PFKP: variants seen among roughly 807,000 people sequenced by gnomAD.
The protein encoded by PFKP is ATP-dependent 6-phosphofructokinase, platelet type.
In PFKP, 101 loss-of-function variants were observed where a neutral mutation model predicts 94.3. That is an observed-to-expected ratio of 1.07 (90% CI 0.91 to 1.26). PFKP has a LOEUF of 1.26. Ranked by LOEUF, PFKP falls within the 50% of genes most tolerant of loss-of-function variation. The pLI is 0.00. For missense variants in PFKP, 1,145 were observed against 1,103.3 expected, an observed-to-expected ratio of 1.04 and a Z score of -0.53; for synonymous variants, 573 against 432.6, an observed-to-expected ratio of 1.32 and a Z score of -4.03.
intron 16 of PFKP, among the ~76,000 whole-genome samples, chr10:3,123,230 T>A (rs1026584057): frequency 2.0e-5 from 3 of 152,182 alleles, no homozygotes; most frequent in Non-Finnish European, 2.9e-5. Flanking sequence ...CATTACTCCG[T>A]CCTGTAAGCT....
intron 2 of PFKP, among the ~76,000 whole-genome samples, chr10:3,096,267 G>T (rs1439349675): frequency 1.3e-5 from 2 of 152,134 alleles, no homozygotes; most frequent in African/African-American, 2.4e-5. Flanking sequence ...GCCGTTAGGG[G>T]TGCATGGTTG....
At chr10:3,134,073 ATTC>A (rs758503267) in intron 19 of PFKP, among the ~76,000 whole-genome samples, 3 of 152,082 alleles carry the variant, frequency 2.0e-5, no homozygotes, top group Non-Finnish European at 4.4e-5. Context: ...ACCACCTCCT[ATTC>A]TTATACTTTT....
chr10:3,092,959 G>A (rs1834165777), intron 2 of PFKP, among the ~76,000 whole-genome samples: 1 of 150,824 alleles, frequency 6.6e-6, no homozygotes, highest in African/African-American at 2.4e-5. Flanking sequence ...TGAGCTCCTG[G>A]GATGTGTGGA....
intron 13 of PFKP, among the ~76,000 whole-genome samples, chr10:3,114,041 A>AGGGATGCCAGCT (rs6143745): frequency 6.6e-6 from 1 of 151,896 alleles, no homozygotes. Context: ...ACCGAGGCAT[A>AGGGATGCCAGCT]GGGCTGGGTG....
chr10:3,124,176 G>A (rs1277002868), intron 16 of PFKP, among the ~76,000 whole-genome samples: 2 of 152,238 alleles, frequency 1.3e-5, no homozygotes, highest in South Asian at 2.1e-4. Context: ...AGGTGTGGGC[G>A]CCGCCCTGTG....
At chr10:3,118,082 T>C (rs962650071) in intron 14 of PFKP, among the ~76,000 whole-genome samples, 17 of 152,024 alleles carry the variant, frequency 1.1e-4, no homozygotes, top group African/African-American at 3.9e-4. Flanking sequence ...GGTGAGAGCA[T>C]GGGGGAGGGA....
chr10:3,100,637 C>A (rs1278574184), intron 3 of PFKP, among the ~76,000 whole-genome samples: 1 of 152,122 alleles, frequency 6.6e-6, no homozygotes, highest in African/African-American at 2.4e-5. Flanking sequence ...GAGCACCTTG[C>A]TTGACAAAGT....
At chr10:3,135,715 C>A in intron 20 of PFKP, 21 bp from the exon 21 acceptor site, 2 of 1,497,194 alleles carry the variant, frequency 1.3e-6, no homozygotes, top group Non-Finnish European at 1.9e-6. Context: ...TGTTATTAAT[C>A]TTTTTTAAAA....
rs559165843 is a variant in PFKP at position 3,103,098 on chromosome 10, G to A, written c.455-681G>A. On this transcript the variant is annotated intron_variant, in intron 4 of 21. Transcript: ENST00000381125. ...TGCATGAGAAATCAGTGTGAAGATG[G>A]CCTAGTGTCTTAGATTCTTAATTCC... Among the ~76,000 whole-genome samples, 15 of 152,348 alleles carry A rather than the reference G, an allele frequency of 9.8e-5. No homozygotes were observed. In the South Asian group the frequency reaches 2.7e-3, roughly 27 times the overall value.
intron 17 of PFKP, among the ~76,000 whole-genome samples, chr10:3,131,505 G>A (rs903419338): frequency 6.6e-6 from 1 of 152,192 alleles, no homozygotes; most frequent in Non-Finnish European, 1.5e-5. Context: ...CACCCAGGCT[G>A]GAGTGTAGTG....
chr10:3,093,799 A>C (rs909454390), intron 2 of PFKP, among the ~76,000 whole-genome samples: 1 of 151,780 alleles, frequency 6.6e-6, no homozygotes. Context: ...TCCCGCCACC[A>C]CACCCGGCTA....
chr10:3,103,922 G>A lies in PFKP; in HGVS notation c.598G>A (p.Ala200Thr), dbSNP rs771983288. The A allele has an allele frequency of 3.1e-6, 5 of 1,613,520 alleles. No homozygotes were observed. Among genetic ancestry groups the A allele is most frequent in the Admixed American group, 3.3e-5 (2 of 60,004 alleles). Reference sequence around the variant, plus strand: ...GCACAGGATCATCGAGGTCGTCGACGCCATCATGACCACGGCCCAGAGGTA... The same window carrying A: ...GCACAGGATCATCGAGGTCGTCGACACCATCATGACCACGGCCCAGAGGTA... ...ALHRIIEVVDAIMTTAQSHQR... is the reference protein window; with the variant it reads ...ALHRIIEVVDTIMTTAQSHQR... The change falls in exon 5 of 22, where the codon GCC (alanine) becomes ACC (threonine). Residue 200 changes from alanine (A) to threonine (T), a missense_variant. This residue lies in a region of PFKP where 1,119 missense variants were observed against 1,062.8 expected (regional missense o/e 1.05). Coordinates refer to ENST00000381125, the MANE Select transcript of PFKP (RefSeq NM_002627.5).
intron 2 of PFKP, among the ~76,000 whole-genome samples, chr10:3,087,187 G>A (rs527368663): frequency 6.6e-6 from 1 of 151,944 alleles, no homozygotes; most frequent in African/African-American, 2.4e-5. Context: ...TTGAACTGCT[G>A]ACCTCAAGTG....
intron 14 of PFKP, among the ~76,000 whole-genome samples, chr10:3,118,507 A>AT (rs1165882411): frequency 6.6e-6 from 1 of 152,120 alleles, no homozygotes; most frequent in Non-Finnish European, 1.5e-5. Context: ...TCTTAATTTT[A>AT]TTTTTTCTAA....
intron 1 of PFKP, among the ~76,000 whole-genome samples, chr10:3,081,081 C>CTT (rs1833030674): frequency 6.6e-6 from 1 of 152,146 alleles, no homozygotes; most frequent in Non-Finnish European, 1.5e-5. Flanking sequence ...GTAAATAAGA[C>CTT]TATGTAATAT....
chr10:3,125,157 C>T, intron 16 of PFKP: 1 of 1,349,582 alleles, frequency 7.4e-7, no homozygotes, highest in South Asian at 1.2e-5. Context: ...GCTTTGCATC[C>T]CCCTGTGTGT....
Position 3,113,656 on chromosome 10 carries a change from C to A in PFKP, c.1371+138C>A, listed in dbSNP as rs148773367. ...GGATCCTGTGATATTGTGACTGAAG[C>A]ATTGCTTCTGGAGTAAAATCTCACC... On this transcript the variant is annotated intron_variant, in intron 13 of 21. Transcript: ENST00000381125. 2.5e-4 allele frequency: 6 copies of A among 24,416 alleles called. No individual in the cohort carries two copies. In the South Asian group the frequency reaches 3.0e-3, roughly 12 times the overall value. 1.5% of individuals were successfully genotyped at this position (24,416 alleles called of 1,614,324 possible).
At chr10:3,098,038 TA>T (rs1834635829) in intron 2 of PFKP, among the ~76,000 whole-genome samples, 1 of 152,074 alleles carries the variant, frequency 6.6e-6, no homozygotes, top group Admixed American at 6.5e-5. Context: ...CACACATATA[TA>T]TATAATATTT....
At chr10:3,096,655 C>CCT (rs552593067) in intron 2 of PFKP, among the ~76,000 whole-genome samples, 12 of 150,742 alleles carry the variant, frequency 8.0e-5, no homozygotes, top group Non-Finnish European at 7.4e-5. Flanking sequence ...GTTTCCTTGC[C>CCT]CCCCCGAGCT....
Sources: gnomAD v4.1 joint callset for allele counts (sites outside exome capture counted in the v4.1 genomes callset) on GRCh38, gnomAD v4.1.1 for gene constraint, gnomAD v4.1.1 regional missense constraint, MANE v1.5 for transcripts, NCBI Gene and HGNC (gene_info 2026-07-23, HGNC 2026-07-21) for gene names.